The following KCNQ5 variants were observed in gnomAD, a reference collection of about 807,000 sequenced individuals.
KCNQ5 encodes potassium voltage-gated channel subfamily Q member 5.
In KCNQ5, 30 loss-of-function variants were observed where a neutral mutation model predicts 98.2. That is an observed-to-expected ratio of 0.31 (90% CI 0.23 to 0.41). KCNQ5 has a LOEUF of 0.41. Ranked by LOEUF, KCNQ5 falls within the 10% of genes least tolerant of loss-of-function variation. The pLI, the probability that KCNQ5 is intolerant of heterozygous loss-of-function variation, is 1.00. For missense variants in KCNQ5, 835 were observed against 1,182.5 expected, an observed-to-expected ratio of 0.71 and a Z score of 4.31; for synonymous variants, 458 against 449.4, an observed-to-expected ratio of 1.02 and a Z score of -0.24.
At chr6:72,785,114 C>T (rs891522752) in intron 1 of KCNQ5, among the ~76,000 whole-genome samples, 1 of 152,176 alleles carries the variant, frequency 6.6e-6, no homozygotes, top group Admixed American at 6.5e-5. Flanking sequence ...TTTCATTTAG[C>T]ATCTCATGAA....
intron 1 of KCNQ5, among the ~76,000 whole-genome samples, chr6:72,627,314 T>C (rs10805964): frequency 0.57 from 86,638 of 151,840 alleles, 26,944 homozygotes; most frequent in Middle Eastern, 0.76. Context: ...TAGTGGAGGC[T>C]AGAGACTGGG....
At chr6:72,945,642 G>C (rs1176132585) in intron 1 of KCNQ5, among the ~76,000 whole-genome samples, 2 of 151,832 alleles carry the variant, frequency 1.3e-5, no homozygotes, top group African/African-American at 4.8e-5. Flanking sequence ...TTTTAGTAGA[G>C]ACAGGTTTTT....
At chr6:72,917,662 TG>T (rs1780211298) in intron 1 of KCNQ5, among the ~76,000 whole-genome samples, 1 of 151,440 alleles carries the variant, frequency 6.6e-6, no homozygotes, top group African/African-American at 2.4e-5. Context: ...TAGTAGAGAC[TG>T]GGTTTCACCA....
intron 1 of KCNQ5, among the ~76,000 whole-genome samples, chr6:72,764,505 T>C (rs1772464652): frequency 6.6e-6 from 1 of 151,964 alleles, no homozygotes; most frequent in East Asian, 1.9e-4. Context: ...TGTGTATATA[T>C]TTACGGGGTA....
At chr6:72,714,199 GT>G (rs150394553) in intron 1 of KCNQ5, among the ~76,000 whole-genome samples, 2,029 of 152,254 alleles carry the variant, frequency 0.013, 34 homozygotes, top group African/African-American at 0.042. Context: ...TTCTTACTAA[GT>G]CTTAATCTCT....
At chr6:73,024,093 C>T (rs923682461) in intron 2 of KCNQ5, among the ~76,000 whole-genome samples, 17 of 152,134 alleles carry the variant, frequency 1.1e-4, no homozygotes, top group South Asian at 2.1e-4. Context: ...TGCCTCTTAA[C>T]GCATCAAAGG....
At chr6:72,833,859 T>C (rs1177421622) in intron 1 of KCNQ5, among the ~76,000 whole-genome samples, 1 of 152,106 alleles carries the variant, frequency 6.6e-6, no homozygotes, top group Non-Finnish European at 1.5e-5. Context: ...TATACAACAG[T>C]GAAAAGCAAT....
intron 1 of KCNQ5, among the ~76,000 whole-genome samples, chr6:72,693,484 T>C (rs971018524): frequency 3.9e-5 from 6 of 152,260 alleles, no homozygotes; most frequent in Admixed American, 2.0e-4. Flanking sequence ...ACAAAGCTGT[T>C]AGTGATGGGA....
At chr6:73,171,174 A>G (rs1270481169) in intron 11 of KCNQ5, among the ~76,000 whole-genome samples, 1 of 152,194 alleles carries the variant, frequency 6.6e-6, no homozygotes, top group Admixed American at 6.5e-5. Flanking sequence ...GAAACTCCAG[A>G]AGATGTTTAA....
intron 1 of KCNQ5, among the ~76,000 whole-genome samples, chr6:72,939,158 G>T (rs967633106): frequency 1.3e-5 from 2 of 152,194 alleles, no homozygotes; most frequent in Non-Finnish European, 2.9e-5. Context: ...TGGCGAGCGG[G>T]TGGAAGCTGG....
Position 73,197,034 on chromosome 6 carries a change from C to G in KCNQ5, c.*1620C>G, listed in dbSNP as rs952510874. ...TCCTTGGCAGACATAAATGCTGCCT[C>G]CAGAAGTACTTCTCCAGCAGCCAAG... is the stretch of plus-strand genomic sequence containing the variant. On this transcript the variant is annotated 3_prime_UTR_variant, in exon 14 of 14. Coordinates refer to ENST00000370398, the MANE Select transcript of KCNQ5 (RefSeq NM_019842.4). The G allele has an allele frequency of 6.6e-6, 1 of 152,098 alleles. No homozygotes were observed. Among genetic ancestry groups the G allele is most frequent in the Non-Finnish European group, 1.5e-5 (1 of 68,032 alleles). The allele number at this position is 152,098 out of a possible 1,614,324, so 9.4% of individuals were successfully genotyped here. A position where few individuals can be genotyped will look rare whatever the true frequency, so the allele number is the denominator to read the frequency against.
At chr6:72,809,521 C>A (rs1775134929) in intron 1 of KCNQ5, among the ~76,000 whole-genome samples, 1 of 151,522 alleles carries the variant, frequency 6.6e-6, no homozygotes, top group Non-Finnish European at 1.5e-5. Flanking sequence ...CACTGCACTC[C>A]AGCCTGGGTG....
chr6:72,859,117 A>G (rs1777651447), intron 1 of KCNQ5, among the ~76,000 whole-genome samples: 1 of 152,180 alleles, frequency 6.6e-6, no homozygotes, highest in Non-Finnish European at 1.5e-5. Context: ...CTCAAAGAGC[A>G]TATAACTTCC....
intron 2 of KCNQ5, among the ~76,000 whole-genome samples, chr6:73,039,517 T>G (rs771926944): frequency 3.3e-5 from 5 of 151,704 alleles, no homozygotes; most frequent in Non-Finnish European, 7.4e-5. Context: ...TGTTATGTCA[T>G]TTTTTTATTT....
chr6:72,651,130 T>G, intron 1 of KCNQ5, among the ~76,000 whole-genome samples: 1 of 152,152 alleles, frequency 6.6e-6, no homozygotes, highest in East Asian at 1.9e-4. Flanking sequence ...TGTTCATATA[T>G]TTAACATAGC....
intron 7 of KCNQ5, among the ~76,000 whole-genome samples, chr6:73,119,708 C>T (rs544646334): frequency 6.6e-6 from 1 of 152,264 alleles, no homozygotes; most frequent in Non-Finnish European, 1.5e-5. Context: ...TTACTAGTTG[C>T]ATAATGGATT....
intron 5 of KCNQ5, among the ~76,000 whole-genome samples, chr6:73,090,164 G>A (rs763633541): frequency 6.6e-6 from 1 of 152,088 alleles, no homozygotes; most frequent in Admixed American, 6.6e-5. Flanking sequence ...GATCATTAGC[G>A]ATGTTGAGCA....
chr6:73,071,600 A>G (rs1773302228), intron 3 of KCNQ5, among the ~76,000 whole-genome samples: 1 of 152,178 alleles, frequency 6.6e-6, no homozygotes, highest in Non-Finnish European at 1.5e-5. Flanking sequence ...GCCTCCACTC[A>G]TGGCAGAAGG....
intron 2 of KCNQ5, among the ~76,000 whole-genome samples, chr6:73,015,462 A>G (rs1217832980): frequency 1.3e-5 from 2 of 152,278 alleles, no homozygotes. Context: ...GAAGCTAAAG[A>G]TAATGATTGT....
Sources: gnomAD v4.1 joint callset for allele counts (sites outside exome capture counted in the v4.1 genomes callset) on GRCh38, gnomAD v4.1.1 for gene constraint, MANE v1.5 for transcripts, NCBI Gene and HGNC (gene_info 2026-07-23, HGNC 2026-07-21) for gene names.